PCCA: variants seen among roughly 807,000 people sequenced by gnomAD.
PCCA encodes the protein propionyl-CoA carboxylase subunit alpha.
PCCA carries 74 observed loss-of-function variants against 101.3 expected under a neutral mutation model. The observed-to-expected ratio is 0.73, with a 90% CI of 0.61 to 0.89. The LOEUF (loss-of-function observed/expected upper bound fraction) is 0.89, where lower values mean the gene tolerates loss of function less well. PCCA is among the 40% of genes least tolerant of loss of function. The pLI, the probability that PCCA is intolerant of heterozygous loss-of-function variation, is 0.00. For synonymous variants in PCCA, 294 were observed against 313.6 expected (o/e 0.94, Z 0.66); for missense variants, 891 against 907.0 (o/e 0.98, Z 0.23).
At chr13:100,440,484 C>T (rs2080291305) in intron 20 of PCCA, among the ~76,000 whole-genome samples, 1 of 151,148 alleles carries the variant, frequency 6.6e-6, no homozygotes, top group Admixed American at 6.6e-5. Context: ...TAAAATAGCT[C>T]CCACACCCTC....
intron 21 of PCCA, among the ~76,000 whole-genome samples, chr13:100,463,703 G>A (rs984015770): frequency 6.6e-6 from 1 of 152,184 alleles, no homozygotes; most frequent in Admixed American, 6.5e-5. Flanking sequence ...CCATGCAGTA[G>A]ATGAACCTGC....
chr13:100,124,849 T>G (rs1427395390), intron 4 of PCCA, among the ~76,000 whole-genome samples: 1 of 152,220 alleles, frequency 6.6e-6, no homozygotes, highest in Non-Finnish European at 1.5e-5. Context: ...CAGTGTATCT[T>G]CAGTTTTACC....
At chr13:100,222,171 G>C (rs1235797119) in intron 7 of PCCA, among the ~76,000 whole-genome samples, 1 of 152,164 alleles carries the variant, frequency 6.6e-6, no homozygotes, top group East Asian at 1.9e-4. Context: ...CTCCGGAGTA[G>C]CTGGGATTAC....
At chr13:100,288,401 A>G (rs1325245002) in intron 12 of PCCA, among the ~76,000 whole-genome samples, 2 of 152,150 alleles carry the variant, frequency 1.3e-5, no homozygotes, top group African/African-American at 4.8e-5. Context: ...GGCTCAGGCA[A>G]TCCTGCCACC....
intron 6 of PCCA, among the ~76,000 whole-genome samples, chr13:100,187,005 A>AGTGT (rs2057337162): frequency 6.6e-6 from 1 of 152,222 alleles, no homozygotes; most frequent in Non-Finnish European, 1.5e-5. Flanking sequence ...TAGCTTATGT[A>AGTGT]AACATTAGTG....
chr13:100,211,661 T>C (rs1654755970), intron 7 of PCCA, among the ~76,000 whole-genome samples: 1 of 152,208 alleles, frequency 6.6e-6, no homozygotes, highest in Non-Finnish European at 1.5e-5. Flanking sequence ...GGACATTTCC[T>C]CTTTTTATTG....
intron 12 of PCCA, among the ~76,000 whole-genome samples, chr13:100,287,960 T>G (rs963372646): frequency 6.6e-6 from 1 of 152,236 alleles, no homozygotes; most frequent in African/African-American, 2.4e-5. Flanking sequence ...TGTAGGACTT[T>G]AAACATCTTT....
chr13:100,517,427 A>T (rs1040415362), intron 22 of PCCA, among the ~76,000 whole-genome samples: 5 of 152,194 alleles, frequency 3.3e-5, no homozygotes, highest in African/African-American at 9.7e-5. Context: ...CGTAAATGGG[A>T]ACAATGTGAT....
chr13:100,089,820 T>A (rs1159133165), intron 1 of PCCA, among the ~76,000 whole-genome samples: 2 of 152,218 alleles, frequency 1.3e-5, no homozygotes, highest in Non-Finnish European at 2.9e-5. Flanking sequence ...ACTTTCCTTT[T>A]CGGTATAGTG....
At chr13:100,419,389 G>A (rs991170697) in intron 19 of PCCA, among the ~76,000 whole-genome samples, 16 of 151,682 alleles carry the variant, frequency 1.1e-4, no homozygotes, top group African/African-American at 3.4e-4. Context: ...GGAGAATTGC[G>A]TGAACCTGGG....
intron 6 of PCCA, among the ~76,000 whole-genome samples, chr13:100,165,432 T>G (rs1024938919): frequency 1.3e-5 from 2 of 152,188 alleles, no homozygotes; most frequent in African/African-American, 4.8e-5. Flanking sequence ...AACCAATATG[T>G]TTATGCTTGT....
intron 15 of PCCA, 46 bp from the exon 16 acceptor site, chr13:100,309,787 T>G: frequency 1.8e-5 from 21 of 1,193,492 alleles, no homozygotes; most frequent in Non-Finnish European, 2.4e-5. Context: ...TTTAACATAG[T>G]TCTAAATATA....
intron 2 of PCCA, among the ~76,000 whole-genome samples, chr13:100,104,839 G>C (rs1244518905): frequency 1.3e-5 from 2 of 152,006 alleles, no homozygotes; most frequent in Admixed American, 1.3e-4. Flanking sequence ...GAGTAGCTGG[G>C]ATTACAGGTG....
At chr13:100,495,784 C>T (rs9518083) in intron 21 of PCCA, among the ~76,000 whole-genome samples, 85,171 of 151,942 alleles carry the variant, frequency 0.56, 24,328 homozygotes, top group East Asian at 0.84. Context: ...TTATTTTTTT[C>T]CCCATCTAAA....
chr13:100,443,265 A>G (rs2080513893), intron 20 of PCCA, among the ~76,000 whole-genome samples: 1 of 152,134 alleles, frequency 6.6e-6, no homozygotes, highest in Non-Finnish European at 1.5e-5. Flanking sequence ...AGCCTGGGCA[A>G]CATAGTGAGA....
intron 7 of PCCA, among the ~76,000 whole-genome samples, chr13:100,212,761 A>G (rs1459869367): frequency 6.6e-6 from 1 of 152,028 alleles, no homozygotes; most frequent in Admixed American, 6.6e-5. Flanking sequence ...AAAATGTACA[A>G]TAAATTATTG....
intron 22 of PCCA, among the ~76,000 whole-genome samples, chr13:100,524,668 T>C (rs1252881374): frequency 3.9e-5 from 6 of 152,120 alleles, no homozygotes; most frequent in Non-Finnish European, 8.8e-5. Context: ...GGTCAGGAGT[T>C]TGAGACCAGC....
intron 22 of PCCA, among the ~76,000 whole-genome samples, chr13:100,517,968 C>T (rs907993236): frequency 1.3e-5 from 2 of 152,160 alleles, no homozygotes; most frequent in Non-Finnish European, 2.9e-5. Flanking sequence ...CTACCTGTCA[C>T]GTTGAAATTT....
chr13:100,154,106 A>G (rs1262287351), intron 4 of PCCA, among the ~76,000 whole-genome samples: 5 of 151,938 alleles, frequency 3.3e-5, no homozygotes, highest in African/African-American at 1.2e-4. Flanking sequence ...TCCAGTTTTT[A>G]TATCTGCCTT....
Sources: allele counts gnomAD v4.1 joint callset (sites outside exome capture counted in the v4.1 genomes callset), GRCh38; gene constraint gnomAD v4.1.1; transcripts MANE v1.5; gene names NCBI Gene and HGNC (gene_info 2026-07-23, HGNC 2026-07-21).